Variants in CCDC92B observed in about 807,000 individuals in gnomAD.
CCDC92B encodes the protein coiled-coil domain-containing 92B.
In CCDC92B, 2 loss-of-function variants were observed where a neutral mutation model predicts 5.6. That is an observed-to-expected ratio of 0.36 (90% confidence interval 0.15 to 1.12). The LOEUF is 1.12. Ranked by LOEUF, CCDC92B falls within the 50% of genes most tolerant of loss-of-function variation. CCDC92B has a pLI of 0.40. For synonymous variants in CCDC92B, 115 were observed against 122.3 expected (o/e 0.94, Z 0.39); for missense variants, 271 against 262.2 (o/e 1.03, Z -0.23).
At position 2,724,316 on chromosome 17, in the gene CCDC92B, G is replaced by T. The variant is rs531083838; in HGVS notation, c.*95C>A. On this transcript the variant is annotated 3_prime_UTR_variant, in exon 4 of 4. Transcript: ENST00000614400. The surrounding 1 kb of genome is among the most constrained non-coding windows in gnomAD (Gnocchi z 5.0). ...CGCCCCGCTTCCTGGAGGAGGGGCG[G>T]CTGCCCTCCGACCCGGGACCTGCCT... 6.1e-6 allele frequency: 6 copies of T among 985,148 alleles called. No homozygotes were observed. In the African/African-American group the frequency reaches 7.0e-5, roughly 11 times the overall value. The allele number at this position is 985,148 out of a possible 1,614,324, so 61.0% of individuals were successfully genotyped here.
At chr17:2,737,509 C>T (rs909723133) in intron 1 of CCDC92B, among the ~76,000 whole-genome samples, 1 of 110,706 alleles carries the variant, frequency 9.0e-6, no homozygotes, top group Admixed American at 1.4e-4. Context: ...GAGTCTTGCT[C>T]TGTCACCCAG....
At chr17:2,732,625 G>A (rs775258910) in intron 2 of CCDC92B, among the ~76,000 whole-genome samples, 3 of 152,126 alleles carry the variant, frequency 2.0e-5, no homozygotes, top group Non-Finnish European at 4.4e-5. Context: ...GCTGAGGCAG[G>A]AGAATTGCTT....
intron 2 of CCDC92B, among the ~76,000 whole-genome samples, chr17:2,733,383 C>T (rs1240441329): frequency 6.6e-6 from 1 of 151,858 alleles, no homozygotes; most frequent in Non-Finnish European, 1.5e-5. Context: ...CCTCAGCCTC[C>T]CTAATAGCTG....
Position 2,723,763 on chromosome 17 carries a change from T to C in CCDC92B, c.*648A>G, listed in dbSNP as rs555344708. The stretch of plus-strand genomic sequence containing the variant: ...TCCGGCCAACCAGGCGGTTCTGTAA[T>C]CCTCTCCCAGGGCCCATGGAAGTTA... On this transcript the variant is annotated 3_prime_UTR_variant, in exon 4 of 4. Coordinates refer to ENST00000614400, the MANE Select transcript of CCDC92B (RefSeq NM_001355573.2). The C allele has an allele frequency of 5.6e-6, 1 of 178,988 alleles. No homozygotes were observed. The highest frequency in any genetic ancestry group is 6.5e-5 in the Admixed American group (1 of 15,332). 11.1% of individuals were successfully genotyped at this position (178,988 alleles called of 1,614,324 possible). A position where few individuals can be genotyped will look rare whatever the true frequency, so the allele number is the denominator to read the frequency against.
chr17:2,731,542 G>A (rs1252377820), intron 2 of CCDC92B, among the ~76,000 whole-genome samples: 1 of 152,296 alleles, frequency 6.6e-6, no homozygotes, highest in Non-Finnish European at 1.5e-5. Flanking sequence ...ACCCAGCAGC[G>A]CCTTCAGGGG....
At chr17:2,726,018 TAG>T (rs1220920872) in intron 3 of CCDC92B, among the ~76,000 whole-genome samples, 1 of 132,656 alleles carries the variant, frequency 7.5e-6, no homozygotes. Flanking sequence ...TTTTTTGAGA[TAG>T]AGTCTTGCTC....
chr17:2,736,689 C>G (rs1026282836), intron 1 of CCDC92B, among the ~76,000 whole-genome samples: 1 of 151,736 alleles, frequency 6.6e-6, no homozygotes, highest in Non-Finnish European at 1.5e-5. Context: ...ACCAGCCTGG[C>G]CGACGTGGTG....
intron 1 of CCDC92B, among the ~76,000 whole-genome samples, chr17:2,740,580 T>C (rs1160257453): frequency 6.6e-6 from 1 of 151,830 alleles, no homozygotes; most frequent in Non-Finnish European, 1.5e-5. Flanking sequence ...GGAGAATCAC[T>C]TGAACCCAGG....
chr17:2,743,094 C>T (rs1204969058), intron 1 of CCDC92B, among the ~76,000 whole-genome samples: 1 of 152,206 alleles, frequency 6.6e-6, no homozygotes, highest in Non-Finnish European at 1.5e-5. Flanking sequence ...CACTTCCATT[C>T]TTGCCCCTTG....
At chr17:2,733,417 G>C (rs188744232) in intron 2 of CCDC92B, among the ~76,000 whole-genome samples, 1 of 151,992 alleles carries the variant, frequency 6.6e-6, no homozygotes, top group Admixed American at 6.6e-5. Context: ...GTGCCACCAC[G>C]TCCGGCTAAT....
At chr17:2,730,802 G>A (rs2070786306) in intron 2 of CCDC92B, among the ~76,000 whole-genome samples, 1 of 152,096 alleles carries the variant, frequency 6.6e-6, no homozygotes, top group African/African-American at 2.4e-5. Flanking sequence ...TGAGGAGCCT[G>A]GCTTGTTTTG....
chr17:2,743,146 C>T (rs1281724085), intron 1 of CCDC92B, among the ~76,000 whole-genome samples: 1 of 152,110 alleles, frequency 6.6e-6, no homozygotes, highest in African/African-American at 2.4e-5. Context: ...AAATATAAGT[C>T]GGGTCAGGCA....
chr17:2,734,767 T>C (rs958182497), intron 2 of CCDC92B, among the ~76,000 whole-genome samples: 4 of 151,952 alleles, frequency 2.6e-5, no homozygotes, highest in Admixed American at 2.0e-4. Flanking sequence ...GGATTACAGG[T>C]GTGAGCCACC....
chr17:2,728,353 A>G (rs2070756701), intron 3 of CCDC92B, among the ~76,000 whole-genome samples: 2 of 151,512 alleles, frequency 1.3e-5, no homozygotes, highest in Admixed American at 6.6e-5. Flanking sequence ...CATGCCTGTA[A>G]TCCCAGCACT....
At chr17:2,739,543 G>C (rs370775898) in intron 1 of CCDC92B, among the ~76,000 whole-genome samples, 5 of 151,656 alleles carry the variant, frequency 3.3e-5, no homozygotes, top group African/African-American at 1.2e-4. Context: ...TTAGCTGGGC[G>C]TGGTGGCGGG....
intron 1 of CCDC92B, among the ~76,000 whole-genome samples, chr17:2,739,322 G>A (rs1440235600): frequency 6.6e-6 from 1 of 151,582 alleles, no homozygotes; most frequent in Non-Finnish European, 1.5e-5. Flanking sequence ...AGCTGAGATC[G>A]CGCCATTGCA....
At chr17:2,741,502 TC>T in intron 1 of CCDC92B, among the ~76,000 whole-genome samples, 1 of 110,642 alleles carries the variant, frequency 9.0e-6, no homozygotes, top group African/African-American at 4.6e-5. Context: ...CATGGCAAAA[TC>T]CTGTGTCTCT....
intron 1 of CCDC92B, among the ~76,000 whole-genome samples, chr17:2,736,644 G>C (rs1030004035): frequency 1.3e-5 from 2 of 151,822 alleles, no homozygotes; most frequent in African/African-American, 4.8e-5. Context: ...ACTTTTGGAG[G>C]CCAAGGTCGG....
At position 2,722,332 on chromosome 17, in the gene CCDC92B, G is replaced by C. The variant is rs950940346; in HGVS notation, c.*2079C>G. 1 of 152,512 alleles carries C rather than the reference G, an allele frequency of 6.6e-6. No individual in the cohort carries two copies. The highest frequency in any genetic ancestry group is 1.9e-4 in the East Asian group (1 of 5,202). 9.4% of individuals were successfully genotyped at this position (152,512 alleles called of 1,614,324 possible). On this transcript the variant is annotated 3_prime_UTR_variant, in exon 4 of 4. Coordinates refer to ENST00000614400, the MANE Select transcript of CCDC92B (RefSeq NM_001355573.2). The stretch of plus-strand genomic sequence containing the variant: ...CAGGCGCAACCACAGGACTAGTAGA[G>C]AGTAGAGGTGGGGGCAGGCAGAGCA...
Sources: allele counts gnomAD v4.1 joint callset (sites outside exome capture counted in the v4.1 genomes callset), GRCh38; gene constraint gnomAD v4.1.1; non-coding constraint Gnocchi (gnomAD v3.1); transcripts MANE v1.5; gene names NCBI Gene and HGNC (gene_info 2026-07-23, HGNC 2026-07-21).